Variants in SETD5 observed in about 807,000 individuals in gnomAD.
The protein encoded by SETD5 is SET domain containing 5, also known as histone-lysine N-methyltransferase SETD5.
SETD5 carries 44 observed loss-of-function variants against 153.3 expected under a neutral mutation model. The observed-to-expected ratio is 0.29, with a 90% CI of 0.23 to 0.37. The LOEUF (loss-of-function observed/expected upper bound fraction) is 0.37. Ranked by LOEUF, SETD5 falls within the 10% of genes least tolerant of loss-of-function variation. SETD5 has a pLI of 1.00. For synonymous variants in SETD5, 716 were observed against 645.2 expected (o/e 1.11, Z -1.66); for missense variants, 1,544 against 1,768.0 (o/e 0.87, Z 2.27).
Position 9,445,127 on chromosome 3 carries a change from C to T in SETD5, c.1267C>T (p.Leu423=), listed in dbSNP as rs1410995413. 6.2e-7 allele frequency: 1 copy of T among 1,613,994 alleles called. No individual in the cohort carries two copies. The highest frequency in any genetic ancestry group is 1.3e-5 in the African/African-American group (1 of 75,020). ...AAAAAGGAATCCTAATGCTACAGAA[C>T]TGCCACTCCTACCACCTCCTCCAAG... is the stretch of plus-strand genomic sequence containing the variant. The part of the protein sequence containing the change: ...IQKRNPNATE[L]PLLPPPPSLP... Residue 423 remains leucine (L), a synonymous_variant, in exon 12 of 23, where the codon CTG becomes TTG. Transcript: ENST00000402198.
At chr3:9,400,749 C>G (rs948564589) in intron 1 of SETD5, among the ~76,000 whole-genome samples, 5 of 152,046 alleles carry the variant, frequency 3.3e-5, no homozygotes, top group Non-Finnish European at 4.4e-5. Context: ...TAGGACAGAC[C>G]AGAAGAAATA....
At chr3:9,472,235 A>G (rs1282436144) in intron 19 of SETD5, among the ~76,000 whole-genome samples, 3 of 152,242 alleles carry the variant, frequency 2.0e-5, no homozygotes, top group East Asian at 3.8e-4. Flanking sequence ...AAATTTAAGC[A>G]TATGCCAAAT....
At chr3:9,425,171 C>CT (rs1317009792) in intron 2 of SETD5, among the ~76,000 whole-genome samples, 1 of 147,804 alleles carries the variant, frequency 6.8e-6, no homozygotes, top group African/African-American at 2.5e-5. Flanking sequence ...AAGCGATTCT[C>CT]TTGCCTCAGC....
chr3:9,418,363 TAGTGCGGTCTATTAAA>T (rs1164382812), intron 1 of SETD5, among the ~76,000 whole-genome samples: 22 of 152,312 alleles, frequency 1.4e-4, no homozygotes, highest in Admixed American at 3.3e-4. Flanking sequence ...ATTTAGAGCT[TAGTGCGGTCTATTAAA>T]AGAATTAAAG....
At position 9,447,284 on chromosome 3, in the gene SETD5, A is replaced by T; in HGVS notation, c.1759A>T (p.Thr587Ser). Residue 587 changes from threonine (T) to serine (S), a missense_variant, in exon 14 of 23, where the codon ACC becomes TCC. Around this residue, in one of 9 missense-constraint regions of SETD5, gnomAD observed 782 missense variants for 787.2 expected, o/e 0.99. Coordinates refer to ENST00000402198, the MANE Select transcript of SETD5 (RefSeq NM_001080517.3). ...CACCCCACAGAGTGTTGGTGTGAAT[A>T]CCCGGAGGTCTTCCCAAGCAGGGGT... Reference protein sequence around the residue: ...PSTPQSVGVNTRRSSQAGDIA... With the variant: ...PSTPQSVGVNSRRSSQAGDIA... 1 of 1,613,484 alleles carries T rather than the reference A, an allele frequency of 6.2e-7. No individual in the cohort carries two copies. The highest frequency in any genetic ancestry group is 8.5e-7 in the Non-Finnish European group (1 of 1,179,722).
At chr3:9,433,239 C>A (rs1296859518) in intron 3 of SETD5, 2 of 489,196 alleles carry the variant, frequency 4.1e-6, no homozygotes, top group East Asian at 1.4e-4. Flanking sequence ...ATAATTTTGT[C>A]CTTAATATGC....
chr3:9,447,909 G>A lies in SETD5; in HGVS notation c.2006G>A (p.Gly669Glu). ...GAAGCTGGAAGTCTAGACAGTTCAG[G>A]AGAAAACAGGCCATTAACAGGGTCT... ...PTEAGSLDSS[G>E]ENRPLTGSDP... The change falls in exon 15 of 23, where the codon GGA (glycine) becomes GAA (glutamate). Residue 669 changes from glycine to glutamate, a missense_variant. Gly to Glu is a moderately conservative substitution (Grantham distance 98). This residue lies in a region of SETD5 where 782 missense variants were observed against 787.2 expected (regional missense o/e 0.99). Transcript: ENST00000402198. The A allele has an allele frequency of 6.2e-7, 1 of 1,613,944 alleles. No homozygotes were observed. Among genetic ancestry groups the A allele is most frequent in the Non-Finnish European group, 8.5e-7 (1 of 1,179,852 alleles).
At chr3:9,421,323 G>A (rs1259852481) in intron 1 of SETD5, among the ~76,000 whole-genome samples, 1 of 151,254 alleles carries the variant, frequency 6.6e-6, no homozygotes, top group Non-Finnish European at 1.5e-5. Context: ...ATTTTTTTAG[G>A]AGATGGGTCT....
chr3:9,445,449 T>C lies in SETD5; in HGVS notation c.1440+149T>C, dbSNP rs2041824489. The C allele has an allele frequency of 5.0e-6, 5 of 1,009,800 alleles. No homozygotes were observed. The Admixed American group carries it at 1.3e-4, about 26-fold the overall frequency. The allele number at this position is 1,009,800 out of a possible 1,614,324, so 62.6% of individuals were successfully genotyped here. The stretch of plus-strand genomic sequence containing the variant: ...GGGTTTATTGTGTTCATACATTTCT[T>C]TCTGTTTTACAAAGTCAAAAACATC... On this transcript the variant is annotated intron_variant, in intron 12 of 22. Coordinates refer to ENST00000402198, the MANE Select transcript of SETD5 (RefSeq NM_001080517.3).
At chr3:9,466,135 A>G (rs890699184) in intron 18 of SETD5, among the ~76,000 whole-genome samples, 2 of 151,984 alleles carry the variant, frequency 1.3e-5, no homozygotes, top group Non-Finnish European at 2.9e-5. Context: ...AAAAATACAA[A>G]ATATTAGCCG....
chr3:9,418,678 C>T (rs2037916455), intron 1 of SETD5, among the ~76,000 whole-genome samples: 1 of 151,640 alleles, frequency 6.6e-6, no homozygotes. Flanking sequence ...TGGTGGGCAC[C>T]TATAATCCCA....
intron 2 of SETD5, among the ~76,000 whole-genome samples, chr3:9,428,424 G>T (rs2039575434): frequency 6.6e-6 from 1 of 152,110 alleles, no homozygotes; most frequent in South Asian, 2.1e-4. Context: ...CTTAAATGAA[G>T]ATCTTGAATT....
intron 3 of SETD5, among the ~76,000 whole-genome samples, chr3:9,433,018 C>T (rs998751799): frequency 6.6e-6 from 1 of 152,180 alleles, no homozygotes; most frequent in Admixed American, 6.5e-5. Context: ...AATCTCACCA[C>T]CACATCTTCC....
At chr3:9,439,272 T>C (rs2040981856) in intron 7 of SETD5, among the ~76,000 whole-genome samples, 1 of 152,232 alleles carries the variant, frequency 6.6e-6, no homozygotes, top group Non-Finnish European at 1.5e-5. Context: ...TTTTGGACTC[T>C]AGTAAGAAAT....
rs1011806760 is a variant in SETD5, at chr3:9,464,368, T to TA, written c.2477-56dup. The stretch of plus-strand genomic sequence containing the variant: ...AGATTACAGATTAATGGCTTTACTG[T>TA]AGAGCCTTAAATTAATCTGTGGTTT... On this transcript the variant is annotated intron_variant, in intron 17 of 22. Coordinates refer to ENST00000402198, the MANE Select transcript of SETD5 (RefSeq NM_001080517.3). 3.3e-5 allele frequency: 52 copies of TA among 1,568,768 alleles called. No individual in the cohort carries two copies. In the African/African-American group the frequency reaches 6.6e-4, roughly 20 times the overall value.
At chr3:9,463,375 C>T (rs2044205184) in intron 17 of SETD5, among the ~76,000 whole-genome samples, 1 of 152,120 alleles carries the variant, frequency 6.6e-6, no homozygotes. Context: ...TGTATGATGA[C>T]CATTTTTCCC....
chr3:9,459,632 A>C (rs1391161732), intron 17 of SETD5, among the ~76,000 whole-genome samples: 3 of 151,498 alleles, frequency 2.0e-5, no homozygotes, highest in African/African-American at 4.9e-5. Flanking sequence ...ACAACAAAAA[A>C]AAAAACCGGG....
intron 21 of SETD5, chr3:9,474,796 A>G (rs1164205497): frequency 1.2e-5 from 8 of 666,752 alleles, no homozygotes; most frequent in South Asian, 6.2e-5. Flanking sequence ...TCCCCAAGGA[A>G]TACCTTTCTG....
At chr3:9,400,379 G>C (rs895650202) in intron 1 of SETD5, among the ~76,000 whole-genome samples, 1 of 152,062 alleles carries the variant, frequency 6.6e-6, no homozygotes, top group Non-Finnish European at 1.5e-5. Flanking sequence ...AACCACAATA[G>C]GAAGAAAATA....
Sources: allele counts gnomAD v4.1 joint callset (sites outside exome capture counted in the v4.1 genomes callset), GRCh38; gene constraint gnomAD v4.1.1; regional missense constraint gnomAD v4.1.1; transcripts MANE v1.5; gene names NCBI Gene and HGNC (gene_info 2026-07-23, HGNC 2026-07-21).